The following SLC8A1 variants were observed in gnomAD, a reference collection of about 807,000 sequenced individuals.
SLC8A1 encodes the protein sodium/calcium exchanger 1.
A neutral mutation model predicts 68.3 loss-of-function variants in SLC8A1; 18 were observed. The observed-to-expected ratio is 0.26, with a 90% CI of 0.18 to 0.39. The LOEUF (loss-of-function observed/expected upper bound fraction) is 0.39, where lower values mean the gene tolerates loss of function less well. Ranked by LOEUF, SLC8A1 falls within the 10% of genes least tolerant of loss-of-function variation. The pLI is 1.00. For synonymous variants in SLC8A1, 475 were observed against 415.5 expected, an observed-to-expected ratio of 1.14 and a Z score of -1.74; for missense variants, 985 against 1,156.7, an observed-to-expected ratio of 0.85 and a Z score of 2.15.
In SLC8A1 at chr2:40,428,461, T is replaced by G. The variant is rs773699668; in HGVS notation, c.1808+12A>C. ...CACACACACACACACACATATATAATATAGAACTTACACAATTTCATCATT... is the reference window on the plus strand; with the variant it reads ...CACACACACACACACACATATATAAGATAGAACTTACACAATTTCATCATT... On this transcript the variant is annotated intron_variant, in intron 2 of 7. Transcript: ENST00000406785. The G allele has an allele frequency of 1.0e-5, 16 of 1,562,638 alleles. No homozygotes were observed. The South Asian group carries it at 2.0e-4, about 19-fold the overall frequency.
At position 40,128,801 on chromosome 2, in the gene SLC8A1, G is replaced by C. The variant is rs1217501008; in HGVS notation, c.2437+10600C>G. Among the ~76,000 whole-genome samples, 3 of 152,314 alleles carry C rather than the reference G, an allele frequency of 2.0e-5. No individual in the cohort carries two copies. In the South Asian group the frequency reaches 6.2e-4, roughly 32 times the overall value. Reference sequence around the variant, plus strand: ...CTCATGTAATTTACAAATATATAGAGAGAGATTCTGTGATGAATAAAACAA... The same window carrying C: ...CTCATGTAATTTACAAATATATAGACAGAGATTCTGTGATGAATAAAACAA... On this transcript the variant is annotated intron_variant, in intron 7 of 7. Transcript: ENST00000406785.
At chr2:40,497,625 A>C (rs1705794625) in intron 1 of SLC8A1, among the ~76,000 whole-genome samples, 1 of 151,952 alleles carries the variant, frequency 6.6e-6, no homozygotes, top group Non-Finnish European at 1.5e-5. Context: ...ATGTTAGGAA[A>C]TGGAGATCTG....
chr2:40,121,862 T>C (rs528774714), intron 7 of SLC8A1, among the ~76,000 whole-genome samples: 2 of 152,202 alleles, frequency 1.3e-5, no homozygotes, highest in Non-Finnish European at 2.9e-5. Context: ...AAAAGTGTGA[T>C]AGAGCTTAAA....
intron 2 of SLC8A1, among the ~76,000 whole-genome samples, chr2:40,282,393 C>T (rs948336584): frequency 1.3e-5 from 2 of 152,174 alleles, no homozygotes; most frequent in African/African-American, 4.8e-5. Context: ...AAGACTGTCT[C>T]TTCTGTATCT....
chr2:40,317,639 CT>C lies in SLC8A1; in HGVS notation c.1808+110833del, dbSNP rs552145315. Among the ~76,000 whole-genome samples, 11 of 151,782 alleles carry C rather than the reference CT, an allele frequency of 7.2e-5. No homozygotes were observed. The East Asian group carries it at 1.9e-3, about 27-fold the overall frequency. ...ATTTAAAATGTTATACTGCATTGTG[CT>C]TTTTTTTAAAGATAAAAGCTATTTA... On this transcript the variant is annotated intron_variant, in intron 2 of 7. Transcript: ENST00000406785.
In SLC8A1 at chr2:40,128,573, C is replaced by T. The variant is rs74749625; in HGVS notation, c.2437+10828G>A. On this transcript the variant is annotated intron_variant, in intron 7 of 7. Coordinates refer to ENST00000406785, the Ensembl canonical transcript of SLC8A1. ...GTGATCAACTGACTGAACTGGTCAC[C>T]GACATTTGGCATTTGTCTATCATTA... 5.7e-3 allele frequency among the ~76,000 whole-genome samples: 873 copies of T among 152,164 alleles called. 18 individuals are homozygous for T. The highest frequency in any genetic ancestry group is 0.025 in the East Asian group (130 of 5,164).
chr2:40,494,387 T>C (rs928129341), intron 1 of SLC8A1, among the ~76,000 whole-genome samples: 1 of 152,036 alleles, frequency 6.6e-6, no homozygotes, highest in African/African-American at 2.4e-5. Flanking sequence ...CCACATTTTC[T>C]TAATCCAGTC....
At chr2:40,249,826 T>A (rs1185991958) in intron 2 of SLC8A1, among the ~76,000 whole-genome samples, 1 of 152,190 alleles carries the variant, frequency 6.6e-6, no homozygotes, top group East Asian at 1.9e-4. Flanking sequence ...AGATCTTACT[T>A]AACACAGGAA....
chr2:40,442,520 T>C (rs1700705480), intron 1 of SLC8A1, among the ~76,000 whole-genome samples: 2 of 151,936 alleles, frequency 1.3e-5, no homozygotes, highest in Admixed American at 6.6e-5. Flanking sequence ...TCATCACTGA[T>C]CATTAGAGAA....
chr2:40,180,632 G>C (rs2049331792), intron 2 of SLC8A1, among the ~76,000 whole-genome samples: 1 of 152,072 alleles, frequency 6.6e-6, no homozygotes, highest in African/African-American at 2.4e-5. Flanking sequence ...TTCATTGTAG[G>C]GTACATCAAA....
intron 6 of SLC8A1, among the ~76,000 whole-genome samples, chr2:40,146,336 C>T (rs933484058): frequency 1.2e-4 from 19 of 152,092 alleles, no homozygotes; most frequent in Admixed American, 7.9e-4. Flanking sequence ...CTGAGAGTTT[C>T]AGCTATTGGG....
At chr2:40,194,512 C>T (rs71439282) in intron 2 of SLC8A1, among the ~76,000 whole-genome samples, 32,902 of 144,658 alleles carry the variant, frequency 0.23, 3,829 homozygotes, top group Middle Eastern at 0.27. Context: ...TGTGTGCGCG[C>T]GCAAAGAAAA....
intron 1 of SLC8A1, among the ~76,000 whole-genome samples, chr2:40,431,548 T>A (rs1450581491): frequency 1.3e-5 from 2 of 151,954 alleles, no homozygotes; most frequent in African/African-American, 4.8e-5. Flanking sequence ...CCCTTCTGCT[T>A]CCAGAACCTG....
At chr2:40,275,859 G>C (rs1217835326) in intron 2 of SLC8A1, among the ~76,000 whole-genome samples, 1 of 152,120 alleles carries the variant, frequency 6.6e-6, no homozygotes, top group Non-Finnish European at 1.5e-5. Context: ...GGTGAAGTGG[G>C]GCATGGTGGT....
exon 8 of SLC8A1, chr2:40,100,171 TTATCTTCTAA>T (rs1286981995): frequency 6.6e-6 from 1 of 151,876 alleles, no homozygotes; most frequent in Non-Finnish European, 1.5e-5. Context: ...CAATTTGCTG[TTATCTTCTAA>T]TATCAAGACC....
chr2:40,339,443 G>C (rs1030721829), intron 2 of SLC8A1, among the ~76,000 whole-genome samples: 1 of 152,202 alleles, frequency 6.6e-6, no homozygotes, highest in East Asian at 1.9e-4. Context: ...AAGTGAGGCA[G>C]TGCCAGAATT....
intron 1 of SLC8A1, among the ~76,000 whole-genome samples, chr2:40,504,229 T>C (rs1706225675): frequency 6.6e-6 from 1 of 151,900 alleles, no homozygotes; most frequent in South Asian, 2.1e-4. Context: ...CTTCAGTAAA[T>C]AGGCCTAGGA....
At chr2:40,337,310 A>C (rs1286425126) in intron 2 of SLC8A1, 1 of 352,020 alleles carries the variant, frequency 2.8e-6, no homozygotes, top group South Asian at 2.1e-5. Flanking sequence ...GCATCATCAT[A>C]AACAGTGATA....
chr2:40,204,265 C>T (rs887595281), intron 2 of SLC8A1, among the ~76,000 whole-genome samples: 5 of 151,986 alleles, frequency 3.3e-5, no homozygotes, highest in Non-Finnish European at 5.9e-5. Flanking sequence ...TGAGATTACT[C>T]TAGGTGTATG....
Sources: gnomAD v4.1 joint callset for allele counts (sites outside exome capture counted in the v4.1 genomes callset) on GRCh38, gnomAD v4.1.1 for gene constraint, MANE v1.5 for transcripts, NCBI Gene and HGNC (gene_info 2026-07-23, HGNC 2026-07-21) for gene names.